Variants in RASSF3 observed in about 807,000 individuals in gnomAD.
The protein encoded by RASSF3 is Ras association domain family member 3.
In RASSF3, 19 loss-of-function variants were observed where a neutral mutation model predicts 19.9. That is an observed-to-expected ratio of 0.96 (90% CI 0.67 to 1.40). The LOEUF (loss-of-function observed/expected upper bound fraction) is 1.40, where lower values mean the gene tolerates loss of function less well. Ranked by LOEUF, RASSF3 falls within the 40% of genes most tolerant of loss-of-function variation. The probability of loss-of-function intolerance (pLI) is 0.00; values close to 1 mark genes in which losing one functional copy is unlikely to be tolerated. For synonymous variants in RASSF3, 110 were observed against 104.2 expected, an observed-to-expected ratio of 1.06 and a Z score of -0.34; for missense variants, 306 against 289.8, an observed-to-expected ratio of 1.06 and a Z score of -0.41.
chr12:64,591,017 C>G (rs1869911916), intron 2 of RASSF3, among the ~76,000 whole-genome samples: 1 of 152,166 alleles, frequency 6.6e-6, no homozygotes, highest in South Asian at 2.1e-4. Flanking sequence ...GAAACCTTAT[C>G]TTTGAGAGTT....
chr12:64,654,852 CGA>C (rs1872101187), intron 1 of RASSF3: 1 of 151,844 alleles, frequency 6.6e-6, no homozygotes, highest in African/African-American at 2.4e-5. Flanking sequence ...GTTGACGGAA[CGA>C]GACTCTGTCA....
At chr12:64,642,501 A>G (rs1871571202) in intron 1 of RASSF3, among the ~76,000 whole-genome samples, 2 of 134,666 alleles carry the variant, frequency 1.5e-5, no homozygotes, top group Non-Finnish European at 3.1e-5. Context: ...CAGAGGTTGC[A>G]GTAAGCCAAG....
In RASSF3 at chr12:64,695,449, G is replaced by C. The variant is rs1036016413; in HGVS notation, c.*537G>C. 3 of 152,778 alleles carry C rather than the reference G, an allele frequency of 2.0e-5. No individual in the cohort carries two copies. The highest frequency in any genetic ancestry group is 4.4e-5 in the Non-Finnish European group (3 of 68,212). 9.5% of individuals were successfully genotyped at this position (152,778 alleles called of 1,614,324 possible). On this transcript the variant is annotated 3_prime_UTR_variant, in exon 5 of 5. Coordinates refer to ENST00000542104, the MANE Select transcript of RASSF3 (RefSeq NM_178169.4). ...TTATTGTGAAGGATTTTGTTAGGGGGTTGACAGAGAAAGCAAAGTGTAAGT... is the reference window on the plus strand; with the variant it reads ...TTATTGTGAAGGATTTTGTTAGGGGCTTGACAGAGAAAGCAAAGTGTAAGT...
rs1426919120 is a variant in RASSF3 at position 64,676,787 on chromosome 12, T to TA, written c.112-7999dup. ...CACCTGGCCACTTTTTTTTTTTTTT[T>TA]AGACAGTGTCTTGCTGTGTTGCCCA... On this transcript the variant is annotated intron_variant, in intron 1 of 4. Coordinates refer to ENST00000542104, the MANE Select transcript of RASSF3 (RefSeq NM_178169.4). Among the ~76,000 whole-genome samples, 8 of 150,608 alleles carry TA rather than the reference T, an allele frequency of 5.3e-5. No individual in the cohort carries two copies. In the East Asian group the frequency reaches 1.4e-3, roughly 26 times the overall value.
chr12:64,681,124 A>C (rs1190030365), intron 1 of RASSF3, among the ~76,000 whole-genome samples: 1 of 152,202 alleles, frequency 6.6e-6, no homozygotes, highest in Non-Finnish European at 1.5e-5. Flanking sequence ...TTTAGGGTTA[A>C]CCAGCTTTAC....
At chr12:64,613,526 A>G (rs1238747056) in intron 1 of RASSF3, among the ~76,000 whole-genome samples, 1 of 152,210 alleles carries the variant, frequency 6.6e-6, no homozygotes, top group Non-Finnish European at 1.5e-5. Flanking sequence ...GCAAGGGAAC[A>G]TAGTGCAACT....
intron 2 of RASSF3, among the ~76,000 whole-genome samples, chr12:64,579,966 C>T (rs1171288092): frequency 6.6e-6 from 1 of 151,994 alleles, no homozygotes; most frequent in Non-Finnish European, 1.5e-5. Flanking sequence ...AGGCATGCGC[C>T]ACCATGCCTG....
At chr12:64,596,504 C>T (rs1870001103) in intron 2 of RASSF3, among the ~76,000 whole-genome samples, 2 of 152,086 alleles carry the variant, frequency 1.3e-5, no homozygotes, top group African/African-American at 4.8e-5. Flanking sequence ...GTTAAATTTC[C>T]CAGTGCCCAA....
chr12:64,507,296 C>T (rs1347422480), exon 1 of RASSF3: 4 of 398,506 alleles, frequency 1.0e-5, no homozygotes, highest in South Asian at 1.3e-4. Flanking sequence ...CTCAAAGAAT[C>T]GGAAATCCAA....
At chr12:64,569,311 G>T (rs2335540) in intron 2 of RASSF3, among the ~76,000 whole-genome samples, 1 of 152,222 alleles carries the variant, frequency 6.6e-6, no homozygotes, top group African/African-American at 2.4e-5. Flanking sequence ...GTTAGAAAAA[G>T]GCCCCTGCTC....
intron 1 of RASSF3, among the ~76,000 whole-genome samples, chr12:64,623,068 GC>G (rs1426550309): frequency 6.6e-6 from 1 of 152,072 alleles, no homozygotes; most frequent in African/African-American, 2.4e-5. Context: ...TGATCCGCCT[GC>G]CTCGGCCTCC....
intron 2 of RASSF3, among the ~76,000 whole-genome samples, chr12:64,577,314 A>G (rs1241592960): frequency 6.6e-6 from 1 of 152,214 alleles, no homozygotes; most frequent in Non-Finnish European, 1.5e-5. Context: ...GCTGGGAGAA[A>G]TTCCACTTGC....
intron 2 of RASSF3, among the ~76,000 whole-genome samples, chr12:64,560,373 A>G (rs529373730): frequency 2.2e-4 from 33 of 152,288 alleles, no homozygotes; most frequent in African/African-American, 6.0e-4. Context: ...TAGCTCTCAC[A>G]GTCTCTATTG....
intron 2 of RASSF3, among the ~76,000 whole-genome samples, chr12:64,575,145 C>A (rs950700166): frequency 1.3e-5 from 2 of 152,170 alleles, no homozygotes; most frequent in South Asian, 2.1e-4. Flanking sequence ...TCCTAAAGAA[C>A]CTTCAGATCA....
intron 1 of RASSF3, among the ~76,000 whole-genome samples, chr12:64,634,083 A>G (rs1332477088): frequency 6.6e-6 from 1 of 152,204 alleles, no homozygotes; most frequent in East Asian, 1.9e-4. Flanking sequence ...GCAGTGAGCC[A>G]GTATGAGTCA....
intron 1 of RASSF3, among the ~76,000 whole-genome samples, chr12:64,537,988 G>A (rs1457392075): frequency 2.0e-5 from 3 of 149,840 alleles, no homozygotes; most frequent in African/African-American, 4.9e-5. Flanking sequence ...TGTCCTACTC[G>A]CCTCCTCTTT....
upstream of RASSF3, chr12:64,609,574 C>CT (rs1252385331): frequency 6.6e-6 from 1 of 152,198 alleles, no homozygotes; most frequent in Admixed American, 6.5e-5. Context: ...GTGTAAAAGA[C>CT]TGTTACCCAC....
upstream of RASSF3, chr12:64,609,282 T>A (rs1306643493): frequency 6.6e-6 from 1 of 152,224 alleles, no homozygotes; most frequent in African/African-American, 2.4e-5. Flanking sequence ...ACAGCCACTT[T>A]CCTTTCTTTA....
At chr12:64,584,446 T>C (rs911033273) in intron 2 of RASSF3, among the ~76,000 whole-genome samples, 4 of 143,702 alleles carry the variant, frequency 2.8e-5, no homozygotes, top group African/African-American at 1.0e-4. Flanking sequence ...GTCTCTCTCA[T>C]CCACTTTTTA....
Sources: gnomAD v4.1 joint callset for allele counts (sites outside exome capture counted in the v4.1 genomes callset) on GRCh38, gnomAD v4.1.1 for gene constraint, MANE v1.5 for transcripts, NCBI Gene and HGNC (gene_info 2026-07-23, HGNC 2026-07-21) for gene names.